Variants in MTMR9 observed in about 807,000 individuals in gnomAD.
MTMR9 encodes myotubularin-related protein 9.
Under a neutral mutation model 69.5 loss-of-function variants are expected in MTMR9, and 39 were observed. That is an observed-to-expected ratio of 0.56 (90% CI 0.43 to 0.73). The LOEUF is 0.73. MTMR9 is among the 30% of genes least tolerant of loss of function. The pLI, the probability that MTMR9 is intolerant of heterozygous loss-of-function variation, is 0.00. For synonymous variants in MTMR9, 354 were observed against 240.8 expected, an observed-to-expected ratio of 1.47 and a Z score of -4.35; for missense variants, 900 against 671.2, an observed-to-expected ratio of 1.34 and a Z score of -3.77.
the MTMR9 span, among the ~76,000 whole-genome samples, chr8:11,337,897 T>C: frequency 1.1e-4 from 17 of 152,234 alleles, no homozygotes; most frequent in Non-Finnish European, 5.9e-5. Context: ...TAGGATTTAC[T>C]GCCACCACCT....
intron 6 of MTMR9, among the ~76,000 whole-genome samples, chr8:11,311,446 T>G (rs917763372): frequency 6.6e-6 from 1 of 152,218 alleles, no homozygotes; most frequent in Non-Finnish European, 1.5e-5. Flanking sequence ...AAGCAAGTCA[T>G]GCAATAAAGT....
chr8:11,294,500 C>T (rs1208667434), intron 1 of MTMR9, among the ~76,000 whole-genome samples: 18 of 105,806 alleles, frequency 1.7e-4, no homozygotes, highest in African/African-American at 4.0e-4. Flanking sequence ...AATACTTTCA[C>T]TTTTTTTTTT....
In MTMR9 at chr8:11,300,043, C is replaced by T; in HGVS notation, c.312C>T (p.Ser104=). ...CCCAGGCATTGTCTACTCTGGACTC[C>T]ATCACTCTGATGTACCCTTTCTTTT... ...SSIEALSTLD[S]ITLMYPFFYR... Residue 104 remains serine (S), a synonymous_variant, in exon 3 of 10, where the codon TCC becomes TCT. Coordinates refer to ENST00000221086, the MANE Select transcript of MTMR9 (RefSeq NM_015458.4). 3 of 1,613,282 alleles carry T rather than the reference C, an allele frequency of 1.9e-6. No individual in the cohort carries two copies. The highest frequency in any genetic ancestry group is 2.2e-5 in the South Asian group (2 of 91,058).
At chr8:11,286,869 A>G (rs1481691764) in intron 1 of MTMR9, among the ~76,000 whole-genome samples, 1 of 152,080 alleles carries the variant, frequency 6.6e-6, no homozygotes, top group Non-Finnish European at 1.5e-5. Context: ...TGGTGCTGGT[A>G]TATGTCCTGT....
Position 11,319,671 on chromosome 8 carries a change from GT to G in MTMR9, c.1335-14del. 6.2e-7 allele frequency: 1 copy of G among 1,612,720 alleles called. No homozygotes were observed. Among genetic ancestry groups the G allele is most frequent in the Non-Finnish European group, 8.5e-7 (1 of 1,179,808 alleles). ...ATAAATTAATTACTTTAATGGCAGT[GT>G]TCTTTCTTGATCAGATGTAAGTTGA... On this transcript the variant is annotated splice_polypyrimidine_tract_variant and intron_variant, in intron 8 of 9. Transcript: ENST00000221086.
downstream of MTMR9, chr8:11,331,562 G>A: frequency 6.2e-7 from 1 of 1,613,770 alleles, no homozygotes; most frequent in Non-Finnish European, 8.5e-7. Flanking sequence ...TTGAGAGCCA[G>A]GGTCTCGGTG....
chr8:11,331,373 G>A (rs757980854), downstream of MTMR9: 24 of 1,614,024 alleles, frequency 1.5e-5, no homozygotes, highest in Admixed American at 3.8e-4. Flanking sequence ...TACTTAAACT[G>A]CGTGGCGACC....
At chr8:11,330,248 AG>A (rs1801156288), downstream of MTMR9, among the ~76,000 whole-genome samples, 1 of 124,498 alleles carries the variant, frequency 8.0e-6, no homozygotes, top group Admixed American at 7.6e-5. Context: ...AGGGAGGTGG[AG>A]GGTCAGCCCC....
chr8:11,293,798 C>T (rs1414819610), intron 1 of MTMR9, among the ~76,000 whole-genome samples: 1 of 150,760 alleles, frequency 6.6e-6, no homozygotes, highest in African/African-American at 2.4e-5. Flanking sequence ...GTGCCAGCAC[C>T]ATTTGTTGAA....
the MTMR9 span, among the ~76,000 whole-genome samples, chr8:11,333,433 T>G: frequency 6.6e-6 from 1 of 152,108 alleles, no homozygotes; most frequent in Non-Finnish European, 1.5e-5. Flanking sequence ...AGGGAGAAAT[T>G]AAGACATGCC....
rs1329706935 is a variant in MTMR9 at position 11,285,063 on chromosome 8, G to T, written c.175G>T (p.Asp59Tyr). 6.2e-7 allele frequency: 1 copy of T among 1,603,480 alleles called. No individual in the cohort carries two copies. The highest frequency in any genetic ancestry group is 8.5e-7 in the Non-Finnish European group (1 of 1,174,204). The change falls in exon 1 of 10, where the codon GAC (aspartate) becomes TAC (tyrosine). Residue 59 changes from aspartate (D) to tyrosine (Y), a missense_variant. Transcript: ENST00000221086. ...WLLHSNIDAI[D>Y]KRFVGSLGTI... ...CCTCCATTCAAACATCGACGCCATCGACAAGCGGTGAGTGCCCGCCCCACC... is the reference window on the plus strand; with the variant it reads ...CCTCCATTCAAACATCGACGCCATCTACAAGCGGTGAGTGCCCGCCCCACC...
intron 2 of MTMR9, among the ~76,000 whole-genome samples, chr8:11,297,645 G>A (rs1243317045): frequency 6.6e-6 from 1 of 151,942 alleles, no homozygotes; most frequent in Non-Finnish European, 1.5e-5. Context: ...CAGAGATGCT[G>A]CCTGTGGTGA....
At chr8:11,301,212 G>A (rs903928413) in intron 3 of MTMR9, among the ~76,000 whole-genome samples, 2 of 152,134 alleles carry the variant, frequency 1.3e-5, no homozygotes, top group African/African-American at 4.8e-5. Flanking sequence ...AAATATATAA[G>A]TTTATATGGA....
chr8:11,314,967 C>G lies in MTMR9; in HGVS notation c.1016C>G (p.Ser339Cys), dbSNP rs563581834. 6.2e-5 allele frequency: 100 copies of G among 1,614,008 alleles called. No individual in the cohort carries two copies. The South Asian group carries it at 9.0e-4, about 15-fold the overall frequency. Residue 339 changes from serine to cysteine, a missense_variant, in exon 7 of 10, where the codon TCC (serine) becomes TGC (cysteine). By Grantham distance (112) the Ser-to-Cys change is moderately radical. Transcript: ENST00000221086. The part of the protein sequence containing the change: ...ILIHGTEGTD[S>C]TLQVTSLAQI... ...ATTCACGGAACAGAAGGAACTGATT[C>G]CACACTCCAGGTGACCTCCTTGGCC...
chr8:11,315,662 GT>G (rs1800386094), intron 7 of MTMR9, among the ~76,000 whole-genome samples: 2 of 152,208 alleles, frequency 1.3e-5, no homozygotes, highest in South Asian at 4.1e-4. Flanking sequence ...GGCAAAAAGA[GT>G]ATCTTGCTCC....
chr8:11,303,974 G>C (rs1799842272), intron 3 of MTMR9, among the ~76,000 whole-genome samples: 1 of 151,946 alleles, frequency 6.6e-6, no homozygotes, highest in Non-Finnish European at 1.5e-5. Context: ...ATACTTTTTA[G>C]CTTTATCTTC....
chr8:11,338,065 G>C, the MTMR9 span, among the ~76,000 whole-genome samples: 2 of 152,248 alleles, frequency 1.3e-5, no homozygotes, highest in African/African-American at 4.8e-5. Context: ...ATTCGGACTT[G>C]TGGGGAAAAG....
intron 1 of MTMR9, among the ~76,000 whole-genome samples, chr8:11,290,219 T>C (rs2117353935): frequency 6.6e-6 from 1 of 152,386 alleles, no homozygotes; most frequent in East Asian, 1.9e-4. Context: ...TAATTATCTT[T>C]GTATATGCTT....
At chr8:11,295,389 A>G (rs1799518545) in intron 2 of MTMR9, 87 bp downstream of exon 2, 3 of 828,398 alleles carry the variant, frequency 3.6e-6, no homozygotes, top group Non-Finnish European at 6.1e-6. Flanking sequence ...TAGATAATTT[A>G]GTCATGTTCT....
Sources: gnomAD v4.1 joint callset for allele counts (sites outside exome capture counted in the v4.1 genomes callset) on GRCh38, gnomAD v4.1.1 for gene constraint, MANE v1.5 for transcripts, NCBI Gene and HGNC (gene_info 2026-07-23, HGNC 2026-07-21) for gene names.